The following TMOD1 variants were observed in gnomAD, a reference collection of about 807,000 sequenced individuals.
TMOD1 encodes the protein tropomodulin 1, also known as tropomodulin-1.
In TMOD1, 17 loss-of-function variants were observed where a neutral mutation model predicts 40.6. The observed-to-expected ratio is 0.42, with a 90% confidence interval of 0.29 to 0.63. The LOEUF (loss-of-function observed/expected upper bound fraction) is 0.63. TMOD1 is among the 20% of genes least tolerant of loss of function. The pLI, the probability that TMOD1 is intolerant of heterozygous loss-of-function variation, is 0.22. For missense variants in TMOD1, 391 were observed against 447.6 expected (o/e 0.87, Z 1.14); for synonymous variants, 181 against 175.0 (o/e 1.03, Z -0.27).
chr9:97,514,661 C>T (rs1408224654), intron 1 of TMOD1, among the ~76,000 whole-genome samples: 2 of 152,232 alleles, frequency 1.3e-5, no homozygotes, highest in Non-Finnish European at 2.9e-5. Context: ...GCTGGAAACT[C>T]TGCAGGGCAA....
intron 8 of TMOD1, among the ~76,000 whole-genome samples, chr9:97,580,031 G>GGA (rs774452873): frequency 6.6e-5 from 10 of 152,132 alleles, no homozygotes; most frequent in Non-Finnish European, 1.3e-4. Flanking sequence ...GAGTAAGGAA[G>GGA]GAGAGAGAGA....
chr9:97,562,264 A>G (rs774638499), intron 4 of TMOD1, among the ~76,000 whole-genome samples: 3 of 152,210 alleles, frequency 2.0e-5, no homozygotes, highest in Non-Finnish European at 4.4e-5. Context: ...AGCTGTGACA[A>G]TACAGCCAAA....
At chr9:97,512,532 AATTATGGTAT>A (rs1829720745) in intron 1 of TMOD1, among the ~76,000 whole-genome samples, 1 of 152,128 alleles carries the variant, frequency 6.6e-6, no homozygotes, top group Admixed American at 6.5e-5. Context: ...TAAATAAATA[AATTATGGTAT>A]ATTTCAGATA....
At chr9:97,511,070 G>A (rs952674139) in intron 1 of TMOD1, among the ~76,000 whole-genome samples, 16 of 147,328 alleles carry the variant, frequency 1.1e-4, no homozygotes, top group Admixed American at 1.4e-4. Flanking sequence ...ACCCGCGCGC[G>A]CACACACACA....
chr9:97,584,109 G>C (rs1825816262), intron 8 of TMOD1, among the ~76,000 whole-genome samples: 1 of 149,214 alleles, frequency 6.7e-6, no homozygotes, highest in African/African-American at 2.4e-5. Context: ...GTCAATTTTG[G>C]ATCTTTCCTG....
In TMOD1 at chr9:97,562,671, G is replaced by A. The variant is rs1830658776; in HGVS notation, c.398-61G>A. ...AGAGTTCCCGGGGTTTGGAGTGTGG[G>A]TCCCTAGGAGGCTCTTCTGTCTGCA... On this transcript the variant is annotated intron_variant, in intron 4 of 9. Transcript: ENST00000259365. 3 of 1,282,040 alleles carry A rather than the reference G, an allele frequency of 2.3e-6. No homozygotes were observed. The African/African-American group carries it at 4.7e-5, about 20-fold the overall frequency. The allele number at this position is 1,282,040 out of a possible 1,614,324, so 79.4% of individuals were successfully genotyped here.
intron 9 of TMOD1, 33 bp downstream of exon 9, chr9:97,591,468 A>C: frequency 6.2e-7 from 1 of 1,607,242 alleles, no homozygotes; most frequent in African/African-American, 1.3e-5. Flanking sequence ...CCCTGCCCGC[A>C]GTCCTGTTAT....
chr9:97,519,427 C>T (rs1035254051), intron 1 of TMOD1, among the ~76,000 whole-genome samples: 2 of 152,148 alleles, frequency 1.3e-5, no homozygotes, highest in Admixed American at 6.6e-5. Context: ...CTTGAGTTTG[C>T]GAAGGTGTTT....
intron 9 of TMOD1, among the ~76,000 whole-genome samples, chr9:97,596,390 A>T (rs1826111578): frequency 6.6e-6 from 1 of 152,104 alleles, no homozygotes; most frequent in Non-Finnish European, 1.5e-5. Flanking sequence ...ATGACTCCCA[A>T]GTCTCTTAAT....
At chr9:97,583,234 C>G (rs1825797335) in intron 8 of TMOD1, among the ~76,000 whole-genome samples, 2 of 148,072 alleles carry the variant, frequency 1.4e-5, no homozygotes, top group South Asian at 4.4e-4. Flanking sequence ...TTGTCAAAGG[C>G]TTTTTCTGCA....
intron 2 of TMOD1, among the ~76,000 whole-genome samples, chr9:97,531,920 G>T (rs1022208826): frequency 2.0e-5 from 3 of 152,116 alleles, no homozygotes; most frequent in Admixed American, 6.5e-5. Context: ...CTCATTCAAG[G>T]TCACACAGCA....
rs928670114 is a variant in TMOD1, at chr9:97,536,694, G to A, written c.121-9491G>A. 7.5e-4 allele frequency among the ~76,000 whole-genome samples: 114 copies of A among 152,164 alleles called. 1 individual carries two copies. Among genetic ancestry groups the A allele is most frequent in the Non-Finnish European group, 1.3e-3 (88 of 68,004 alleles). On this transcript the variant is annotated intron_variant, in intron 2 of 9. Transcript: ENST00000259365. ...AAGAGTCCTGGGCTCTCGGTCCAGC[G>A]TATGACTTCAAGTGAGGCCCCTCCC...
At position 97,591,346 on chromosome 9, in the gene TMOD1, A is replaced by G. The variant is rs80239162; in HGVS notation, c.926A>G (p.Asn309Ser). The G allele has an allele frequency of 6.2e-7, 1 of 1,614,210 alleles. No individual in the cohort carries two copies. Among genetic ancestry groups the G allele is most frequent in the Non-Finnish European group, 8.5e-7 (1 of 1,180,042 alleles). The change falls in exon 9 of 10, where the codon AAC becomes AGC. Residue 309 changes from asparagine (N) to serine (S), a missense_variant. Asn to Ser is a conservative substitution (Grantham distance 46, BLOSUM62 1). Coordinates refer to ENST00000259365, the MANE Select transcript of TMOD1 (RefSeq NM_003275.4). Reference protein sequence around the residue: ...EMEIVSMLEKNATLLKFGYHF... With the variant: ...EMEIVSMLEKSATLLKFGYHF... The stretch of plus-strand genomic sequence containing the variant: ...GAGATTGTGAGCATGTTGGAAAAAA[A>G]CGCAACACTTCTCAAATTCGGCTAC...
rs752321654 is a variant in TMOD1, at chr9:97,553,343, C to A, written c.340C>A (p.Pro114Thr). 6.2e-7 allele frequency: 1 copy of A among 1,614,192 alleles called. No homozygotes were observed. The highest frequency in any genetic ancestry group is 1.1e-5 in the South Asian group (1 of 91,082). ...TGTGCTGGAAAGTGTGACGCTGGAA[C>A]CGGAGCTGGAGGAAGCCTTGGCAAA... ...DPVLESVTLEPELEEALANAS... is the reference protein window; with the variant it reads ...DPVLESVTLETELEEALANAS... Residue 114 changes from proline (P) to threonine (T), a missense_variant, in exon 4 of 10, where the codon CCG becomes ACG. Physicochemically the swap from Pro to Thr is conservative, Grantham distance 38. Transcript: ENST00000259365.
chr9:97,502,478 C>G lies in TMOD1; in HGVS notation c.-49+675C>G, dbSNP rs1043583486. 2.4e-4 allele frequency among the ~76,000 whole-genome samples: 37 copies of G among 152,210 alleles called. No homozygotes were observed. Among genetic ancestry groups the G allele is most frequent in the African/African-American group, 7.5e-4 (31 of 41,460 alleles). ...CGGCTCTCGGCATGGCCTTGGCAAT[C>G]CCCCTCTTGTTTCTGGATCTCAGTC... is the stretch of plus-strand genomic sequence containing the variant. On this transcript the variant is annotated intron_variant, in intron 1 of 9. Coordinates refer to ENST00000259365, the MANE Select transcript of TMOD1 (RefSeq NM_003275.4). The surrounding 1 kb of genome is among the most constrained non-coding windows in gnomAD (Gnocchi z 6.1).
intron 8 of TMOD1, among the ~76,000 whole-genome samples, chr9:97,581,498 G>C (rs1362125437): frequency 1.3e-5 from 2 of 151,978 alleles, no homozygotes; most frequent in African/African-American, 4.8e-5. Flanking sequence ...ATAGTCCTTT[G>C]GGTATATACC....
chr9:97,591,448 A>G lies in TMOD1; in HGVS notation c.1015+13A>G. 6.2e-7 allele frequency: 1 copy of G among 1,613,260 alleles called. No homozygotes were observed. Among genetic ancestry groups the G allele is most frequent in the Non-Finnish European group, 8.5e-7 (1 of 1,179,498 alleles). ...AACAATGACCTTGGTGAGTAGAAAT[A>G]TGCTTCCTGCCCTGCCCGCAGTCCT... On this transcript the variant is annotated intron_variant, in intron 9 of 9. Coordinates refer to ENST00000259365, the MANE Select transcript of TMOD1 (RefSeq NM_003275.4).
At chr9:97,577,395 C>T (rs570565738) in intron 8 of TMOD1, among the ~76,000 whole-genome samples, 10 of 152,300 alleles carry the variant, frequency 6.6e-5, no homozygotes, top group South Asian at 2.1e-4. Context: ...CTCTAGAGCT[C>T]GCTGCCTGTA....
In TMOD1 at chr9:97,545,059, C is replaced by T. The variant is rs532618492; in HGVS notation, c.121-1126C>T. Among the ~76,000 whole-genome samples the T allele has an allele frequency of 2.4e-4, 37 of 151,162 alleles. 1 individual carries two copies. The South Asian group carries it at 7.4e-3, about 30-fold the overall frequency. On this transcript the variant is annotated intron_variant, in intron 2 of 9. Coordinates refer to ENST00000259365, the MANE Select transcript of TMOD1 (RefSeq NM_003275.4). ...AGGTGGAATGACTCTTCAGTTTAGT[C>T]AGTTTGAGGGTGCATATCTTTTGGG... is the stretch of plus-strand genomic sequence containing the variant.
Sources: gnomAD v4.1 joint callset for allele counts (sites outside exome capture counted in the v4.1 genomes callset) on GRCh38, gnomAD v4.1.1 for gene constraint, Gnocchi (gnomAD v3.1) non-coding constraint, MANE v1.5 for transcripts, NCBI Gene and HGNC (gene_info 2026-07-23, HGNC 2026-07-21) for gene names.